Variants in GRB14 observed in about 807,000 individuals in gnomAD.
GRB14 encodes the protein growth factor receptor bound protein 14.
GRB14 carries 38 observed loss-of-function variants against 69.1 expected under a neutral mutation model. That is an observed-to-expected ratio of 0.55 (90% CI 0.42 to 0.72). The LOEUF (loss-of-function observed/expected upper bound fraction) is 0.72. Ranked by LOEUF, GRB14 falls within the 30% of genes least tolerant of loss-of-function variation. The pLI is 0.00. For missense variants in GRB14, 666 were observed against 666.1 expected, an observed-to-expected ratio of 1.00 and a Z score of 0.00; for synonymous variants, 247 against 241.3, an observed-to-expected ratio of 1.02 and a Z score of -0.22.
chr2:164,509,446 T>C (rs1687280947), intron 6 of GRB14, among the ~76,000 whole-genome samples: 1 of 152,194 alleles, frequency 6.6e-6, no homozygotes, highest in South Asian at 2.1e-4. Flanking sequence ...ATGTTTCTGA[T>C]TTTCAACGCA....
chr2:164,525,388 G>A (rs1687744395), intron 4 of GRB14, among the ~76,000 whole-genome samples: 1 of 151,976 alleles, frequency 6.6e-6, no homozygotes, highest in Admixed American at 6.6e-5. Flanking sequence ...CCTGAGTCCC[G>A]CAACCAGCCT....
chr2:164,498,378 TTTTG>T (rs977922467), intron 9 of GRB14, among the ~76,000 whole-genome samples: 3 of 152,162 alleles, frequency 2.0e-5, no homozygotes, highest in East Asian at 1.9e-4. Flanking sequence ...TCTTTTTCTT[TTTTG>T]TTTGTTTGGG....
Position 164,492,992 on chromosome 2 carries a change from G to C in GRB14, c.*44C>G. On this transcript the variant is annotated 3_prime_UTR_variant, in exon 14 of 14. Coordinates refer to ENST00000263915, the MANE Select transcript of GRB14 (RefSeq NM_004490.3). ...TTTATGGTCTTTTATTATTTTTCTT[G>C]AGTCCTTTTCCTTCAATAGTTTAAT... 1 of 1,531,570 alleles carries C rather than the reference G, an allele frequency of 6.5e-7. No homozygotes were observed. The highest frequency in any genetic ancestry group is 1.3e-5 in the South Asian group (1 of 79,938). The allele number at this position is 1,531,570 out of a possible 1,614,324, so 94.9% of individuals were successfully genotyped here. A position where few individuals can be genotyped will look rare whatever the true frequency, so the allele number is the denominator to read the frequency against.
chr2:164,588,209 G>T (rs905232952), intron 2 of GRB14, among the ~76,000 whole-genome samples: 3 of 152,110 alleles, frequency 2.0e-5, no homozygotes, highest in Admixed American at 1.3e-4. Flanking sequence ...TTATTTAAAT[G>T]ATTCATTTGA....
chr2:164,582,741 C>T (rs1689445865), intron 2 of GRB14, among the ~76,000 whole-genome samples: 1 of 152,126 alleles, frequency 6.6e-6, no homozygotes, highest in South Asian at 2.1e-4. Context: ...TTACAGTTCA[C>T]TCCCTAAGAA....
At chr2:164,531,012 A>G (rs572488006) in intron 3 of GRB14, among the ~76,000 whole-genome samples, 1 of 152,338 alleles carries the variant, frequency 6.6e-6, no homozygotes, top group Admixed American at 6.5e-5. Context: ...GGTTAAAAAA[A>G]ATACACAGAA....
intron 2 of GRB14, among the ~76,000 whole-genome samples, chr2:164,602,107 T>C (rs1345173874): frequency 2.7e-5 from 4 of 147,394 alleles, no homozygotes; most frequent in Non-Finnish European, 4.5e-5. Flanking sequence ...ACACTTTTTG[T>C]GTGTCTCCAA....
intron 2 of GRB14, 40 bp downstream of exon 2, chr2:164,619,647 C>T: frequency 7.0e-7 from 1 of 1,432,596 alleles, no homozygotes; most frequent in South Asian, 1.3e-5. Flanking sequence ...GGATTCAGAA[C>T]TCCTAAGATT....
chr2:164,547,070 A>G (rs547889033), intron 3 of GRB14, among the ~76,000 whole-genome samples: 2 of 152,284 alleles, frequency 1.3e-5, no homozygotes, highest in African/African-American at 4.8e-5. Flanking sequence ...AAAAACCTCT[A>G]AGGAATATAT....
chr2:164,531,000 G>A (rs1456663920), intron 3 of GRB14, among the ~76,000 whole-genome samples: 2 of 152,162 alleles, frequency 1.3e-5, no homozygotes, highest in African/African-American at 4.8e-5. Flanking sequence ...AGCAGTTGAT[G>A]TGGTTAAAAA....
At chr2:164,511,600 A>G (rs1188944853) in intron 6 of GRB14, among the ~76,000 whole-genome samples, 1 of 152,174 alleles carries the variant, frequency 6.6e-6, no homozygotes, top group East Asian at 1.9e-4. Flanking sequence ...AATAACCAGC[A>G]GTGATATCCA....
At chr2:164,586,309 A>G (rs1689539005) in intron 2 of GRB14, among the ~76,000 whole-genome samples, 1 of 152,180 alleles carries the variant, frequency 6.6e-6, no homozygotes, top group African/African-American at 2.4e-5. Flanking sequence ...TTCCTGGACA[A>G]CTCAAAAATT....
intron 2 of GRB14, among the ~76,000 whole-genome samples, chr2:164,618,672 T>A (rs1414764749): frequency 6.6e-6 from 1 of 152,198 alleles, no homozygotes; most frequent in Non-Finnish European, 1.5e-5. Context: ...CTCTATCATT[T>A]CTGTATATGA....
chr2:164,513,571 C>A (rs1443699884), intron 6 of GRB14, among the ~76,000 whole-genome samples: 1 of 151,820 alleles, frequency 6.6e-6, no homozygotes, highest in African/African-American at 2.4e-5. Context: ...CAAAAGATCA[C>A]ATAACAAGAA....
At chr2:164,603,635 C>T (rs1689976909) in intron 2 of GRB14, among the ~76,000 whole-genome samples, 2 of 148,300 alleles carry the variant, frequency 1.3e-5, no homozygotes, top group South Asian at 4.2e-4. Context: ...TGCAATCTAA[C>T]CTGGGTGACA....
intron 2 of GRB14, chr2:164,573,726 T>G (rs1035511018): frequency 1.2e-6 from 2 of 1,605,198 alleles, no homozygotes; most frequent in African/African-American, 2.7e-5. Context: ...CTAATTAAGT[T>G]TCTTCTCAAT....
At chr2:164,506,904 T>C (rs1461879330) in intron 8 of GRB14, among the ~76,000 whole-genome samples, 1 of 152,144 alleles carries the variant, frequency 6.6e-6, no homozygotes, top group East Asian at 1.9e-4. Context: ...ATTCCATTTA[T>C]ATGAAATACC....
chr2:164,540,434 C>A (rs1255266972), intron 3 of GRB14, among the ~76,000 whole-genome samples: 1 of 152,002 alleles, frequency 6.6e-6, no homozygotes, highest in Non-Finnish European at 1.5e-5. Flanking sequence ...GATAGTGAAA[C>A]CCTGTCTCTA....
intron 2 of GRB14, among the ~76,000 whole-genome samples, chr2:164,603,083 T>C (rs181695635): frequency 1.3e-5 from 2 of 152,312 alleles, no homozygotes; most frequent in African/African-American, 2.4e-5. Flanking sequence ...AGCTGTATAG[T>C]ACCTCAGGGT....
Sources: allele counts gnomAD v4.1 joint callset (sites outside exome capture counted in the v4.1 genomes callset), GRCh38; gene constraint gnomAD v4.1.1; transcripts MANE v1.5; gene names NCBI Gene and HGNC (gene_info 2026-07-23, HGNC 2026-07-21).